The following ATP8B2 variants were observed in gnomAD, a reference collection of about 807,000 sequenced individuals.
The protein encoded by ATP8B2 is ATPase phospholipid transporting 8B2, also known as phospholipid-transporting ATPase ID.
A neutral mutation model predicts 133.4 loss-of-function variants in ATP8B2; 70 were observed. The ratio of observed to expected loss-of-function variants is 0.52; its 90% CI spans 0.43 to 0.64. The LOEUF (loss-of-function observed/expected upper bound fraction) is 0.64. Ranked by LOEUF, ATP8B2 falls within the 30% of genes least tolerant of loss-of-function variation. The pLI is 0.00. For synonymous variants in ATP8B2, 517 were observed against 589.5 expected (o/e 0.88, Z 1.78); for missense variants, 1,101 against 1,535.7 (o/e 0.72, Z 4.73).
chr1:154,331,902 A>G lies in ATP8B2; in HGVS notation c.439-52A>G. ...GTGGAAGGAGCCACCATTACAGCCC[A>G]CTGGGGGTGGAGGTTTGCATATTTG... is the stretch of plus-strand genomic sequence containing the variant. On this transcript the variant is annotated intron_variant, in intron 7 of 27. Transcript: ENST00000368489. The surrounding 1 kb of genome is among the most constrained non-coding windows in gnomAD (Gnocchi z 4.8). The G allele has an allele frequency of 1.3e-6, 2 of 1,554,698 alleles. No homozygotes were observed. Among genetic ancestry groups the G allele is most frequent in the Non-Finnish European group, 1.8e-6 (2 of 1,126,208 alleles).
At chr1:154,336,002 A>C (rs1020689106) in intron 11 of ATP8B2, among the ~76,000 whole-genome samples, 1 of 149,656 alleles carries the variant, frequency 6.7e-6, no homozygotes, top group African/African-American at 2.5e-5. Flanking sequence ...AGGTCGCGCC[A>C]CTGCACTCCA....
chr1:154,345,913 T>C lies in ATP8B2; in HGVS notation c.2778+30T>C, dbSNP rs191548692. ...GGGGGAGTTTGATGATCAGATGGGA[T>C]GCGGGGAAGGTCACTGCTTGAAGGA... On this transcript the variant is annotated intron_variant, in intron 24 of 27. Coordinates refer to ENST00000368489, the MANE Select transcript of ATP8B2 (RefSeq NM_001370597.1). This position sits in a 1 kb window ranked among gnomAD's most constrained non-coding sequence, Gnocchi z 5.6. 1.3e-5 allele frequency: 20 copies of C among 1,564,494 alleles called. No homozygotes were observed. In the East Asian group the frequency reaches 4.5e-4, roughly 35 times the overall value.
Position 154,327,741 on chromosome 1 carries a change from G to A in ATP8B2, c.-37-364G>A, listed in dbSNP as rs565652711. On this transcript the variant is annotated intron_variant, in intron 1 of 27. Coordinates refer to ENST00000368489, the MANE Select transcript of ATP8B2 (RefSeq NM_001370597.1). Reference sequence around the variant, plus strand: ...CACCCTTTGGGGAAACTGCTTTCTAGTAAGCACAAGCACTACTCATTGCCG... The same window carrying A: ...CACCCTTTGGGGAAACTGCTTTCTAATAAGCACAAGCACTACTCATTGCCG... The A allele has an allele frequency of 5.8e-6, 9 of 1,547,072 alleles. No individual in the cohort carries two copies. In the East Asian group the frequency reaches 1.8e-4, roughly 31 times the overall value.
In ATP8B2 at chr1:154,345,276, TGGCCG is replaced by T. The variant is rs1304219353; in HGVS notation, c.2471-44_2471-40del. The T allele has an allele frequency of 1.2e-6, 2 of 1,610,338 alleles. No homozygotes were observed. The highest frequency in any genetic ancestry group is 1.7e-6 in the Non-Finnish European group (2 of 1,177,658). On this transcript the variant is annotated intron_variant, in intron 22 of 27. Coordinates refer to ENST00000368489, the MANE Select transcript of ATP8B2 (RefSeq NM_001370597.1). This position sits in a 1 kb window ranked among gnomAD's most constrained non-coding sequence, Gnocchi z 5.6. ...GTAACTTGGTAGGCTCTAAAGTGTG[TGGCCG>T]GTGGCCATCTTCACCCTCTTGTCAT... is the stretch of plus-strand genomic sequence containing the variant.
chr1:154,342,936 T>C lies in ATP8B2; in HGVS notation c.1428T>C (p.Thr476=), dbSNP rs771175092. 1.9e-6 allele frequency: 3 copies of C among 1,614,168 alleles called. No individual in the cohort carries two copies. Among genetic ancestry groups the C allele is most frequent in the African/African-American group, 1.3e-5 (1 of 75,058 alleles). ...EFFRLLSLCH[T]VMSEEKNEGE... is the part of the protein sequence containing the mutation. ...TCCGCCTCCTTTCCCTGTGTCATAC[T>C]GTCATGTCAGAAGAAAAGAACGAAG... is the stretch of plus-strand genomic sequence containing the variant. The change falls in exon 15 of 28, where the codon ACT becomes ACC. Residue 476 remains threonine (T), a synonymous_variant. Coordinates refer to ENST00000368489, the MANE Select transcript of ATP8B2 (RefSeq NM_001370597.1).
intron 1 of ATP8B2, among the ~76,000 whole-genome samples, chr1:154,326,030 C>A (rs1685779343): frequency 6.6e-6 from 1 of 152,080 alleles, no homozygotes; most frequent in African/African-American, 2.4e-5. Flanking sequence ...GGGAGACCCG[C>A]CCAGAGAGTT....
In ATP8B2 at chr1:154,330,898, C is replaced by T; in HGVS notation, c.174C>T (p.Asn58=). ...TTGAGCAGTTCCAGGAAGTTGCCAA[C>T]ACTTACTTCCTGTTCCTCCTCATTC... ...NLFEQFQEVA[N]TYFLFLLILQ... The change falls in exon 4 of 28, where the codon AAC becomes AAT. Residue 58 remains asparagine, a synonymous_variant. Transcript: ENST00000368489. 1 of 1,614,076 alleles carries T rather than the reference C, an allele frequency of 6.2e-7. No individual in the cohort carries two copies. The highest frequency in any genetic ancestry group is 8.5e-7 in the Non-Finnish European group (1 of 1,179,920).
Position 154,346,751 on chromosome 1 carries a change from G to A in ATP8B2, c.3156G>A (p.Arg1052=). ...GLFDMFPNQF[R]FVGNAQNTLA... is the part of the protein sequence containing the mutation. ...TCGACATGTTTCCCAACCAGTTCCG[G>A]TTTGTGGGTAAGTCCCCGTGGCCTC... is the stretch of plus-strand genomic sequence containing the variant. Residue 1052 remains arginine, a synonymous_variant, in exon 26 of 28, where the codon CGG becomes CGA. Coordinates refer to ENST00000368489, the MANE Select transcript of ATP8B2 (RefSeq NM_001370597.1). The surrounding 1 kb of genome is among the most constrained non-coding windows in gnomAD (Gnocchi z 4.5). 1 of 1,614,204 alleles carries A rather than the reference G, an allele frequency of 6.2e-7. No individual in the cohort carries two copies. The highest frequency in any genetic ancestry group is 8.5e-7 in the Non-Finnish European group (1 of 1,180,028).
chr1:154,343,037 G>A lies in ATP8B2; in HGVS notation c.1453+76G>A. On this transcript the variant is annotated intron_variant, in intron 15 of 27. Transcript: ENST00000368489. The surrounding 1 kb of genome is among the most constrained non-coding windows in gnomAD (Gnocchi z 5.8). ...CTCTGCTCTGCTCTGCAATGCGGCT[G>A]GGCTGGGGCTTCCTGGGCGGGGCAC... The A allele has an allele frequency of 6.3e-7, 1 of 1,596,324 alleles. No individual in the cohort carries two copies. The highest frequency in any genetic ancestry group is 2.2e-5 in the East Asian group (1 of 44,606).
In ATP8B2 at chr1:154,344,942, T is replaced by G. The variant is rs1194586; in HGVS notation, c.2287-29T>G. ...ACTCCCAGGTGTCTCCTGGAAAGAC[T>G]GGCTCTCTCAGGTTTCTCTGTGCTC... On this transcript the variant is annotated intron_variant, in intron 21 of 27. Coordinates refer to ENST00000368489, the MANE Select transcript of ATP8B2 (RefSeq NM_001370597.1). The surrounding 1 kb of genome is among the most constrained non-coding windows in gnomAD (Gnocchi z 4.1). 2.5e-6 allele frequency: 4 copies of G among 1,591,034 alleles called. No homozygotes were observed. In the South Asian group the frequency reaches 3.4e-5, roughly 14 times the overall value.
At chr1:154,347,517 T>C (rs1322087494) in intron 26 of ATP8B2, among the ~76,000 whole-genome samples, 1 of 152,102 alleles carries the variant, frequency 6.6e-6, no homozygotes, top group Non-Finnish European at 1.5e-5. Flanking sequence ...CTCTTACAGT[T>C]TCGTGGATAA....
chr1:154,342,407 T>C, intron 13 of ATP8B2, 73 bp from the exon 14 acceptor site: 2 of 1,445,586 alleles, frequency 1.4e-6, no homozygotes, highest in South Asian at 2.3e-5. Context: ...GATTCTGCAT[T>C]GGAGATGTTT....
At chr1:154,329,172 G>A in intron 2 of ATP8B2, 2 of 1,115,600 alleles carry the variant, frequency 1.8e-6, no homozygotes, top group Non-Finnish European at 2.3e-6. Context: ...TACCTGCCTT[G>A]ATCCTCTTTC....
In ATP8B2 at chr1:154,345,565, C is replaced by G. The variant is rs1450905464; in HGVS notation, c.2694+20C>G. ...GCCCAGGTAATAAATGTTCCCAGTCCACTGTTGTGCAAATCTGTAAACCTG... is the reference window on the plus strand; with the variant it reads ...GCCCAGGTAATAAATGTTCCCAGTCGACTGTTGTGCAAATCTGTAAACCTG... On this transcript the variant is annotated intron_variant, in intron 23 of 27. Transcript: ENST00000368489. The surrounding 1 kb of genome is among the most constrained non-coding windows in gnomAD (Gnocchi z 5.6). 1.3e-6 allele frequency: 2 copies of G among 1,587,704 alleles called. No homozygotes were observed. The highest frequency in any genetic ancestry group is 1.7e-6 in the Non-Finnish European group (2 of 1,159,746).
At position 154,348,979 on chromosome 1, in the gene ATP8B2, A is replaced by G. The variant is rs1558277136; in HGVS notation, c.3434A>G (p.Lys1145Arg). 1 of 1,614,260 alleles carries G rather than the reference A, an allele frequency of 6.2e-7. No homozygotes were observed. Residue 1145 changes from lysine (K) to arginine (R), a missense_variant, in exon 28 of 28, where the codon AAG becomes AGG. Lys to Arg is a conservative substitution (Grantham distance 26). Coordinates refer to ENST00000368489, the MANE Select transcript of ATP8B2 (RefSeq NM_001370597.1). ...EGFGELIMSG[K>R]NMRLSSLALS... ...TTCGGGGAGCTCATCATGTCTGGCA[A>G]GAACATGCGGCTGAGCTCTCTCGCG...
At chr1:154,335,574 C>G (rs1005447044) in intron 11 of ATP8B2, among the ~76,000 whole-genome samples, 1 of 152,088 alleles carries the variant, frequency 6.6e-6, no homozygotes, top group Admixed American at 6.6e-5. Flanking sequence ...CACCTGTGGT[C>G]CCAGTTACTC....
At chr1:154,332,771 C>A in intron 9 of ATP8B2, 74 bp downstream of exon 9, 1 of 1,191,738 alleles carries the variant, frequency 8.4e-7, no homozygotes, top group Non-Finnish European at 1.2e-6. Context: ...TTAAATTATA[C>A]ATTTTCCTTT....
chr1:154,347,899 C>T (rs1686639270), intron 26 of ATP8B2, among the ~76,000 whole-genome samples: 1 of 148,296 alleles, frequency 6.7e-6, no homozygotes, highest in Non-Finnish European at 1.5e-5. Flanking sequence ...CGAGATCGCG[C>T]CATTGCACTC....
At position 154,331,600 on chromosome 1, in the gene ATP8B2, C is replaced by T. The variant is rs773416683; in HGVS notation, c.366-6C>T. The T allele has an allele frequency of 6.2e-7, 1 of 1,614,180 alleles. No homozygotes were observed. Among genetic ancestry groups the T allele is most frequent in the Non-Finnish European group, 8.5e-7 (1 of 1,180,024 alleles). On this transcript the variant is annotated splice_region_variant and splice_polypyrimidine_tract_variant and intron_variant, in intron 6 of 27. Coordinates refer to ENST00000368489, the MANE Select transcript of ATP8B2 (RefSeq NM_001370597.1). This position sits in a 1 kb window ranked among gnomAD's most constrained non-coding sequence, Gnocchi z 4.8. ...CAGCCTCTTCACTGTCTTCTCGTTGCCTCAGCCTCCAGCAGGAGCAGTGGA... is the reference window on the plus strand; with the variant it reads ...CAGCCTCTTCACTGTCTTCTCGTTGTCTCAGCCTCCAGCAGGAGCAGTGGA...
Sources: gnomAD v4.1 joint callset for allele counts (sites outside exome capture counted in the v4.1 genomes callset) on GRCh38, gnomAD v4.1.1 for gene constraint, Gnocchi (gnomAD v3.1) non-coding constraint, MANE v1.5 for transcripts, NCBI Gene and HGNC (gene_info 2026-07-23, HGNC 2026-07-21) for gene names.